The following FAT3 variants were observed in gnomAD, a reference collection of about 807,000 sequenced individuals.
The protein encoded by FAT3 is FAT atypical cadherin 3, also known as protocadherin Fat 3.
Under a neutral mutation model 310.2 loss-of-function variants are expected in FAT3, and 95 were observed. The ratio of observed to expected loss-of-function variants is 0.31; its 90% CI spans 0.26 to 0.36. The LOEUF is 0.36. Among genes scored for constraint, FAT3 ranks in the 10% least tolerant of loss-of-function variants. The pLI is 1.00. For missense variants in FAT3, 5,408 were observed against 5,715.6 expected (o/e 0.95, Z 1.74); for synonymous variants, 2,314 against 2,192.9 (o/e 1.06, Z -1.54).
At chr11:92,654,697 A>G (rs1054315845) in intron 3 of FAT3, among the ~76,000 whole-genome samples, 8 of 152,168 alleles carry the variant, frequency 5.3e-5, no homozygotes, top group Admixed American at 5.2e-4. Flanking sequence ...CCCTGGCACA[A>G]CTATCATCTT....
intron 1 of FAT3, among the ~76,000 whole-genome samples, chr11:92,238,269 A>C (rs55890145): frequency 1.3e-5 from 2 of 152,136 alleles, no homozygotes; most frequent in Admixed American, 1.3e-4. Flanking sequence ...AGTCTGTTCC[A>C]TAATGTGCTT....
intron 2 of FAT3, among the ~76,000 whole-genome samples, chr11:92,364,638 C>G (rs1948968624): frequency 6.6e-6 from 1 of 152,108 alleles, no homozygotes. Flanking sequence ...TTTTCACTTG[C>G]CAGTTTTTAT....
intron 1 of FAT3, among the ~76,000 whole-genome samples, chr11:92,292,756 A>G (rs1946723387): frequency 6.6e-6 from 1 of 152,090 alleles, no homozygotes; most frequent in Non-Finnish European, 1.5e-5. Flanking sequence ...AGAAGCATGC[A>G]TTGTGCAAAT....
intron 1 of FAT3, among the ~76,000 whole-genome samples, chr11:92,337,632 A>T (rs1948124430): frequency 6.6e-6 from 1 of 152,286 alleles, no homozygotes; most frequent in East Asian, 1.9e-4. Flanking sequence ...GGGTTTCGCC[A>T]TGTTGGCCAG....
At position 92,688,193 on chromosome 11, in the gene FAT3, T is replaced by G. The variant is rs1424835613; in HGVS notation, c.3608-9191T>G. 2.0e-5 allele frequency among the ~76,000 whole-genome samples: 3 copies of G among 152,036 alleles called. No individual in the cohort carries two copies. The East Asian group carries it at 5.8e-4, about 29-fold the overall frequency. On this transcript the variant is annotated intron_variant, in intron 3 of 27. Coordinates refer to ENST00000525166, the MANE Select transcript of FAT3 (RefSeq NM_001367949.2). ...CAGCCTGGATGACAGAGCGAGACCC[T>G]GTCTTTAAATATTAATTAATTAATT...
At chr11:92,347,404 A>G (rs1293633801) in intron 1 of FAT3, among the ~76,000 whole-genome samples, 1 of 152,202 alleles carries the variant, frequency 6.6e-6, no homozygotes, top group Non-Finnish European at 1.5e-5. Context: ...CCCTCAAAAT[A>G]GAAAAGATAG....
chr11:92,275,144 G>A (rs1305155942), intron 1 of FAT3, among the ~76,000 whole-genome samples: 2 of 152,186 alleles, frequency 1.3e-5, no homozygotes, highest in Admixed American at 1.3e-4. Context: ...ACTGAAAGTA[G>A]GAGCCTCTCC....
At chr11:92,868,925 AT>A (rs1462263129) in intron 22 of FAT3, among the ~76,000 whole-genome samples, 1 of 152,322 alleles carries the variant, frequency 6.6e-6, no homozygotes, top group Non-Finnish European at 1.5e-5. Context: ...TTCAGCACTG[AT>A]GACCCACTTG....
At chr11:92,378,788 C>T (rs1274105202) in intron 2 of FAT3, among the ~76,000 whole-genome samples, 7 of 152,106 alleles carry the variant, frequency 4.6e-5, no homozygotes, top group East Asian at 1.9e-4. Flanking sequence ...TGCAAGGAGC[C>T]GACAGATTCA....
intron 4 of FAT3, among the ~76,000 whole-genome samples, chr11:92,706,650 AG>A (rs1360087795): frequency 6.6e-6 from 1 of 152,238 alleles, no homozygotes; most frequent in Non-Finnish European, 1.5e-5. Flanking sequence ...GTTGATAGAA[AG>A]GAAGACTTCT....
intron 4 of FAT3, among the ~76,000 whole-genome samples, chr11:92,709,478 A>G (rs1240654653): frequency 6.6e-6 from 1 of 152,132 alleles, no homozygotes; most frequent in Non-Finnish European, 1.5e-5. Flanking sequence ...AGCTCCACTG[A>G]GATTTCTAAT....
At chr11:92,458,438 A>G (rs1445048113) in intron 2 of FAT3, among the ~76,000 whole-genome samples, 1 of 152,092 alleles carries the variant, frequency 6.6e-6, no homozygotes, top group African/African-American at 2.4e-5. Context: ...TGTAACATAT[A>G]TTTTTCTCTA....
intron 2 of FAT3, among the ~76,000 whole-genome samples, chr11:92,376,383 A>C (rs1413291520): frequency 6.6e-6 from 1 of 152,226 alleles, no homozygotes; most frequent in African/African-American, 2.4e-5. Context: ...GGTTTCAGAC[A>C]GAGGGAAATA....
At chr11:92,569,488 C>T (rs561187399) in intron 3 of FAT3, among the ~76,000 whole-genome samples, 2 of 152,090 alleles carry the variant, frequency 1.3e-5, no homozygotes, top group African/African-American at 4.8e-5. Flanking sequence ...AATGTTAACT[C>T]AGAAAGAAAA....
At chr11:92,684,728 C>A (rs1157123682) in intron 3 of FAT3, among the ~76,000 whole-genome samples, 1 of 152,124 alleles carries the variant, frequency 6.6e-6, no homozygotes, top group Non-Finnish European at 1.5e-5. Context: ...TTGGTGCTTC[C>A]TGCCTCTCCC....
In FAT3 at chr11:92,793,060, G is replaced by T; in HGVS notation, c.4822+83G>T. 4.3e-6 allele frequency: 6 copies of T among 1,406,602 alleles called. No homozygotes were observed. The South Asian group carries it at 7.7e-5, about 18-fold the overall frequency. 87.1% of individuals were successfully genotyped at this position (1,406,602 alleles called of 1,614,324 possible). ...AGTATTTATCACCATGTAAAATTCA[G>T]ATCATTAACAGTGGAACATCTCTAA... On this transcript the variant is annotated intron_variant, in intron 9 of 27. Transcript: ENST00000525166.
intron 3 of FAT3, among the ~76,000 whole-genome samples, chr11:92,572,731 TG>T (rs775805239): frequency 6.6e-6 from 1 of 152,196 alleles, no homozygotes; most frequent in Non-Finnish European, 1.5e-5. Flanking sequence ...AAGTTGTCCT[TG>T]TTCAGCCTAT....
At chr11:92,631,066 A>G (rs552801821) in intron 3 of FAT3, among the ~76,000 whole-genome samples, 8 of 152,260 alleles carry the variant, frequency 5.3e-5, no homozygotes, top group African/African-American at 1.9e-4. Context: ...TTTGATATTT[A>G]TTTCCCTCCT....
chr11:92,890,662 C>A lies in FAT3; in HGVS notation c.13319C>A (p.Pro4440His). The change falls in exon 28 of 28, where the codon CCT becomes CAT. Residue 4440 changes from proline to histidine, a missense_variant. This residue lies in a region of FAT3 where 649 missense variants were observed against 666.2 expected (regional missense o/e 0.97). Transcript: ENST00000525166. ...GACATTGACAGTGAATACCCACCCCCTCATGAAGAGGAGTTCTTGAGTCAG... is the reference window on the plus strand; with the variant it reads ...GACATTGACAGTGAATACCCACCCCATCATGAAGAGGAGTTCTTGAGTCAG... ...GYDIDSEYPP[P>H]HEEEFLSQDQ... 6.2e-7 allele frequency: 1 copy of A among 1,613,854 alleles called. No homozygotes were observed. The highest frequency in any genetic ancestry group is 8.5e-7 in the Non-Finnish European group (1 of 1,179,862).
Sources: gnomAD v4.1 joint callset for allele counts (sites outside exome capture counted in the v4.1 genomes callset) on GRCh38, gnomAD v4.1.1 for gene constraint, gnomAD v4.1.1 regional missense constraint, MANE v1.5 for transcripts, NCBI Gene and HGNC (gene_info 2026-07-23, HGNC 2026-07-21) for gene names.